The following NKD1 variants were observed in gnomAD, a reference collection of about 807,000 sequenced individuals.
NKD1 encodes NKD inhibitor of Wnt signaling pathway 1.
A neutral mutation model predicts 56.0 loss-of-function variants in NKD1; 21 were observed. The ratio of observed to expected loss-of-function variants is 0.38; its 90% CI spans 0.27 to 0.54. The LOEUF (loss-of-function observed/expected upper bound fraction) is 0.54. Among genes scored for constraint, NKD1 ranks in the 20% least tolerant of loss-of-function variants. The pLI is 0.82. For missense variants in NKD1, 578 were observed against 642.7 expected (o/e 0.90, Z 1.09); for synonymous variants, 263 against 265.7 (o/e 0.99, Z 0.10).
At position 50,578,001 on chromosome 16, in the gene NKD1, G is replaced by A. The variant is rs369115852; in HGVS notation, c.192+28446G>A. Among the ~76,000 whole-genome samples, 44 of 152,292 alleles carry A rather than the reference G, an allele frequency of 2.9e-4. No individual in the cohort carries two copies. The East Asian group carries it at 6.7e-3, about 23-fold the overall frequency. ...TCTTTCCACTTGTGTTTTAGCTGGGGCAACTCTGGTTGTTGTAGTAAAGAC... is the reference window on the plus strand; with the variant it reads ...TCTTTCCACTTGTGTTTTAGCTGGGACAACTCTGGTTGTTGTAGTAAAGAC... On this transcript the variant is annotated intron_variant, in intron 3 of 9. Transcript: ENST00000268459.
At chr16:50,601,701 C>T in intron 3 of NKD1, among the ~76,000 whole-genome samples, 1 of 152,228 alleles carries the variant, frequency 6.6e-6, no homozygotes, top group East Asian at 1.9e-4. Flanking sequence ...TGGCTGCATC[C>T]AGGGGACAGG....
At chr16:50,606,728 C>G (rs566800062) in intron 3 of NKD1, 1 of 443,872 alleles carries the variant, frequency 2.3e-6, no homozygotes, top group South Asian at 1.6e-5. Context: ...GGGTGGCAGG[C>G]GCAGAGCCCC....
intron 3 of NKD1, among the ~76,000 whole-genome samples, chr16:50,583,421 C>CCCCT (rs1027072685): frequency 6.6e-6 from 1 of 152,146 alleles, no homozygotes; most frequent in African/African-American, 2.4e-5. Flanking sequence ...CTTCCAGCCA[C>CCCCT]CCCTACCAAG....
At chr16:50,581,114 T>C (rs1961106437) in intron 3 of NKD1, among the ~76,000 whole-genome samples, 1 of 152,236 alleles carries the variant, frequency 6.6e-6, no homozygotes. Flanking sequence ...CTTAGCTCCT[T>C]AGCTCCTATG....
rs1962316620 is a variant in NKD1, at chr16:50,630,348, G to A, written c.610+15G>A. 1.2e-6 allele frequency: 2 copies of A among 1,613,190 alleles called. No individual in the cohort carries two copies. The highest frequency in any genetic ancestry group is 1.7e-6 in the Non-Finnish European group (2 of 1,179,568). ...CAATCAGGCTGGTGAGGGCTGCAGG[G>A]CTGAGCCTGGGAAACAATGTCCTCC... On this transcript the variant is annotated intron_variant, in intron 7 of 9. Transcript: ENST00000268459.
intron 3 of NKD1, 88 bp downstream of exon 3, chr16:50,549,643 C>A: frequency 8.0e-7 from 1 of 1,245,860 alleles, no homozygotes; most frequent in Non-Finnish European, 1.1e-6. Flanking sequence ...ACTTTGAGCA[C>A]TTTCCTGCAC....
intron 3 of NKD1, among the ~76,000 whole-genome samples, chr16:50,583,387 A>G (rs907078525): frequency 6.6e-6 from 1 of 152,114 alleles, no homozygotes; most frequent in African/African-American, 2.4e-5. Flanking sequence ...CAATGTCCCA[A>G]TTAGTGTCCC....
chr16:50,592,766 G>T (rs1186958058), intron 3 of NKD1, among the ~76,000 whole-genome samples: 1 of 152,008 alleles, frequency 6.6e-6, no homozygotes, highest in Non-Finnish European at 1.5e-5. Flanking sequence ...CTGCACAGAG[G>T]GTGGTGATGG....
chr16:50,619,299 G>A (rs767521917), intron 4 of NKD1, among the ~76,000 whole-genome samples: 5 of 152,062 alleles, frequency 3.3e-5, no homozygotes, highest in Admixed American at 1.3e-4. Context: ...AAGCAGGATC[G>A]TTGGGATCTG....
chr16:50,619,830 G>A (rs111229016), intron 4 of NKD1, among the ~76,000 whole-genome samples: 7 of 152,300 alleles, frequency 4.6e-5, no homozygotes, highest in African/African-American at 1.7e-4. Context: ...CAGAACCCAC[G>A]TGGAGATGAC....
At position 50,625,612 on chromosome 16, in the gene NKD1, A is replaced by G. The variant is rs1444452693; in HGVS notation, c.462+32A>G. 4.3e-6 allele frequency: 6 copies of G among 1,400,598 alleles called. No homozygotes were observed. The South Asian group carries it at 7.0e-5, about 16-fold the overall frequency. 86.8% of individuals were successfully genotyped at this position (1,400,598 alleles called of 1,614,324 possible). ...GCACCTGCCTGGCCTCTTGCCGTGT[A>G]TCATACCCGCAGGCACAGGGCCTGG... On this transcript the variant is annotated intron_variant, in intron 6 of 9. Transcript: ENST00000268459.
chr16:50,549,199 C>A (rs1319231066), intron 2 of NKD1, among the ~76,000 whole-genome samples: 1 of 151,606 alleles, frequency 6.6e-6, no homozygotes, highest in African/African-American at 2.4e-5. Flanking sequence ...TGGGGTACTG[C>A]TCACCCCTCT....
intron 3 of NKD1, among the ~76,000 whole-genome samples, chr16:50,554,398 G>A (rs1960455926): frequency 6.6e-6 from 1 of 152,116 alleles, no homozygotes; most frequent in African/African-American, 2.4e-5. Context: ...GAAACATCAA[G>A]GCTGAACTGT....
intron 3 of NKD1, chr16:50,566,118 G>C (rs940373475): frequency 5.1e-6 from 5 of 983,408 alleles, no homozygotes; most frequent in African/African-American, 1.7e-5. Context: ...AGCAGCTTCA[G>C]GGGGAGCTTG....
chr16:50,549,249 C>A (rs1284438779), intron 2 of NKD1, among the ~76,000 whole-genome samples, 173 bp from the exon 3 acceptor site: 1 of 151,734 alleles, frequency 6.6e-6, no homozygotes, highest in Non-Finnish European at 1.5e-5. Flanking sequence ...CTTCGCTGAA[C>A]CCCCCTTTAC....
intron 3 of NKD1, among the ~76,000 whole-genome samples, chr16:50,560,627 G>A (rs1041341063): frequency 4.7e-5 from 7 of 149,056 alleles, no homozygotes; most frequent in Middle Eastern, 3.2e-3. Flanking sequence ...CAGTTTAGGC[G>A]AGTTTTTTTT....
At chr16:50,628,256 C>T (rs1596757541) in intron 6 of NKD1, among the ~76,000 whole-genome samples, 1 of 152,230 alleles carries the variant, frequency 6.6e-6, no homozygotes, top group Admixed American at 6.5e-5. Flanking sequence ...GACCCCCTCC[C>T]ACCTGCATTG....
chr16:50,570,618 T>C (rs932376363), intron 3 of NKD1, among the ~76,000 whole-genome samples: 4 of 152,220 alleles, frequency 2.6e-5, no homozygotes, highest in African/African-American at 9.6e-5. Flanking sequence ...CTCGTGAAGC[T>C]GTCATGTAGA....
chr16:50,633,126 TG>T lies in NKD1; in HGVS notation c.824-62del. ...GAGAACTGGGGGCGGGGGTGATGTC[TG>T]GGGTATAGCGCAAGCCCCAGCACAC... On this transcript the variant is annotated intron_variant, in intron 9 of 9. Transcript: ENST00000268459. This position sits in a 1 kb window ranked among gnomAD's most constrained non-coding sequence, Gnocchi z 4.9. 3 of 1,444,770 alleles carry T rather than the reference TG, an allele frequency of 2.1e-6. No homozygotes were observed. Among genetic ancestry groups the T allele is most frequent in the Non-Finnish European group, 1.9e-6 (2 of 1,073,182 alleles). The allele number at this position is 1,444,770 out of a possible 1,614,324, so 89.5% of individuals were successfully genotyped here.
Sources: allele counts gnomAD v4.1 joint callset (sites outside exome capture counted in the v4.1 genomes callset), GRCh38; gene constraint gnomAD v4.1.1; non-coding constraint Gnocchi (gnomAD v3.1); transcripts MANE v1.5; gene names NCBI Gene and HGNC (gene_info 2026-07-23, HGNC 2026-07-21).